Variants in AKAP6 observed in about 807,000 individuals in gnomAD.
The protein encoded by AKAP6 is A-kinase anchor protein 6.
In AKAP6, 58 loss-of-function variants were observed where a neutral mutation model predicts 188.5. The ratio of observed to expected loss-of-function variants is 0.31; its 90% CI spans 0.25 to 0.38. The LOEUF (loss-of-function observed/expected upper bound fraction) is 0.38, where lower values mean the gene tolerates loss of function less well. Ranked by LOEUF, AKAP6 falls within the 10% of genes least tolerant of loss-of-function variation. The probability of loss-of-function intolerance (pLI) is 1.00; values close to 1 mark genes in which losing one functional copy is unlikely to be tolerated. For synonymous variants in AKAP6, 989 were observed against 998.6 expected, an observed-to-expected ratio of 0.99 and a Z score of 0.18; for missense variants, 2,710 against 2,740.0, an observed-to-expected ratio of 0.99 and a Z score of 0.24.
intron 12 of AKAP6, among the ~76,000 whole-genome samples, chr14:32,787,426 G>A (rs914995612): frequency 1.3e-5 from 2 of 152,078 alleles, no homozygotes; most frequent in Non-Finnish European, 2.9e-5. Flanking sequence ...TTCATTCTAA[G>A]TTTTTAAGTC....
chr14:32,584,360 A>G (rs1885131960), intron 5 of AKAP6, among the ~76,000 whole-genome samples: 1 of 152,210 alleles, frequency 6.6e-6, no homozygotes, highest in African/African-American at 2.4e-5. Flanking sequence ...GGATGGTTCA[A>G]GACTTCACCA....
intron 1 of AKAP6, among the ~76,000 whole-genome samples, chr14:32,377,123 A>G (rs1216745179): frequency 6.6e-6 from 1 of 152,212 alleles, no homozygotes; most frequent in Non-Finnish European, 1.5e-5. Context: ...TGGAAACATC[A>G]CTTTTCCTAA....
At chr14:32,689,732 A>G (rs141365804) in intron 8 of AKAP6, among the ~76,000 whole-genome samples, 35 of 152,212 alleles carry the variant, frequency 2.3e-4, no homozygotes, top group African/African-American at 7.7e-4. Context: ...CTGTGCTTAT[A>G]TGACACATGG....
chr14:32,615,303 A>G (rs1886525525), intron 7 of AKAP6, among the ~76,000 whole-genome samples: 2 of 151,898 alleles, frequency 1.3e-5, no homozygotes, highest in South Asian at 4.2e-4. Flanking sequence ...GATAATGCTT[A>G]ATATGCCAAG....
chr14:32,463,270 T>C (rs1169878759), intron 2 of AKAP6, among the ~76,000 whole-genome samples: 1 of 151,988 alleles, frequency 6.6e-6, no homozygotes, highest in African/African-American at 2.4e-5. Flanking sequence ...TCCACAGAAC[T>C]CTCCACCCCA....
intron 1 of AKAP6, among the ~76,000 whole-genome samples, chr14:32,416,996 G>C (rs1482570028): frequency 6.6e-6 from 1 of 152,034 alleles, no homozygotes; most frequent in Non-Finnish European, 1.5e-5. Context: ...ATGTGCCACT[G>C]CAACCAGATA....
rs761039386 is a variant in AKAP6, at chr14:32,600,781, G to A, written c.2719G>A (p.Gly907Arg). Residue 907 changes from glycine to arginine, a missense_variant, in exon 7 of 14, where the codon GGA (glycine) becomes AGA (arginine). Physicochemically the swap from Gly to Arg is moderately radical, Grantham distance 125. Coordinates refer to ENST00000280979, the MANE Select transcript of AKAP6 (RefSeq NM_004274.5). ...DVSVEDEEGTGSPKAEVQLCY... is the reference protein window; with the variant it reads ...DVSVEDEEGTRSPKAEVQLCY... ...GTCTGTGGAGGATGAGGAAGGGACTGGAAGCCCCAAGGTAAGTGGCTTGAA... is the reference window on the plus strand; with the variant it reads ...GTCTGTGGAGGATGAGGAAGGGACTAGAAGCCCCAAGGTAAGTGGCTTGAA... 3 of 1,607,178 alleles carry A rather than the reference G, an allele frequency of 1.9e-6. No homozygotes were observed. Among genetic ancestry groups the A allele is most frequent in the South Asian group, 2.2e-5 (2 of 89,712 alleles).
intron 7 of AKAP6, among the ~76,000 whole-genome samples, chr14:32,660,791 G>A (rs1195651951): frequency 6.6e-6 from 1 of 151,968 alleles, no homozygotes. Flanking sequence ...CTGGGGTGAG[G>A]GAAGTGGAGT....
At chr14:32,477,844 C>G (rs551392999) in intron 2 of AKAP6, among the ~76,000 whole-genome samples, 1 of 152,288 alleles carries the variant, frequency 6.6e-6, no homozygotes, top group African/African-American at 2.4e-5. Context: ...AAGCAGCTCA[C>G]TGTGCCTCAT....
chr14:32,645,471 C>T (rs746939218), intron 7 of AKAP6, among the ~76,000 whole-genome samples: 3 of 152,130 alleles, frequency 2.0e-5, no homozygotes, highest in South Asian at 2.1e-4. Flanking sequence ...TTTTTACAGA[C>T]GGAGTCTCAC....
intron 11 of AKAP6, among the ~76,000 whole-genome samples, chr14:32,763,225 T>C (rs2032598381): frequency 6.6e-6 from 1 of 152,160 alleles, no homozygotes; most frequent in African/African-American, 2.4e-5. Flanking sequence ...TACTTAAAAC[T>C]GTCATTCTCT....
intron 11 of AKAP6, among the ~76,000 whole-genome samples, chr14:32,760,916 G>A (rs1409499095): frequency 6.6e-6 from 1 of 152,140 alleles, no homozygotes; most frequent in African/African-American, 2.4e-5. Flanking sequence ...GTATTTTGCT[G>A]TTATGTATTG....
chr14:32,513,898 G>T (rs2139033307), intron 2 of AKAP6, among the ~76,000 whole-genome samples: 1 of 152,060 alleles, frequency 6.6e-6, no homozygotes, highest in Admixed American at 6.5e-5. Flanking sequence ...AACATCTTCT[G>T]ATGCGATTAA....
chr14:32,447,303 C>T (rs369412622), intron 2 of AKAP6, among the ~76,000 whole-genome samples: 30 of 152,250 alleles, frequency 2.0e-4, no homozygotes, highest in African/African-American at 5.3e-4. Context: ...GCAGTTTCTC[C>T]TACTTTTTTG....
At chr14:32,479,621 G>A (rs1446577432) in intron 2 of AKAP6, among the ~76,000 whole-genome samples, 2 of 152,164 alleles carry the variant, frequency 1.3e-5, no homozygotes, top group East Asian at 3.9e-4. Flanking sequence ...GTTTTGCTAT[G>A]GTATGAATGT....
chr14:32,501,061 C>A (rs2138983492), intron 2 of AKAP6, among the ~76,000 whole-genome samples: 1 of 152,252 alleles, frequency 6.6e-6, no homozygotes, highest in African/African-American at 2.4e-5. Context: ...CTAAGCAACC[C>A]TGTCCAATAA....
At chr14:32,581,668 C>G (rs1240082295) in intron 5 of AKAP6, among the ~76,000 whole-genome samples, 3 of 152,160 alleles carry the variant, frequency 2.0e-5, no homozygotes, top group Admixed American at 2.0e-4. Context: ...CTTTATGAAT[C>G]TGGGTGCTCC....
chr14:32,650,830 G>C (rs1888192686), intron 7 of AKAP6, among the ~76,000 whole-genome samples: 1 of 152,146 alleles, frequency 6.6e-6, no homozygotes, highest in South Asian at 2.1e-4. Flanking sequence ...AACAAAACCT[G>C]TTTAAAAGAC....
In AKAP6 at chr14:32,433,990, T is replaced by A. The variant is rs538119852; in HGVS notation, c.324+173T>A. On this transcript the variant is annotated intron_variant, in intron 2 of 13. Coordinates refer to ENST00000280979, the MANE Select transcript of AKAP6 (RefSeq NM_004274.5). ...TGGAAATAATTAATTCTTCTCTGAT[T>A]TTACTACATGTGCTGATTATCTAGA... The A allele has an allele frequency of 3.9e-4, 249 of 642,226 alleles. 1 individual carries two copies. The South Asian group carries it at 5.2e-3, about 13-fold the overall frequency. 39.8% of individuals were successfully genotyped at this position (642,226 alleles called of 1,614,324 possible). A position where few individuals can be genotyped will look rare whatever the true frequency, so the allele number is the denominator to read the frequency against.
Sources: gnomAD v4.1 joint callset for allele counts (sites outside exome capture counted in the v4.1 genomes callset) on GRCh38, gnomAD v4.1.1 for gene constraint, MANE v1.5 for transcripts, NCBI Gene and HGNC (gene_info 2026-07-23, HGNC 2026-07-21) for gene names.